SLC35F1: variants seen among roughly 807,000 people sequenced by gnomAD.
SLC35F1 encodes solute carrier family 35 member F1.
Under a neutral mutation model 48.7 loss-of-function variants are expected in SLC35F1, and 14 were observed. The observed-to-expected ratio is 0.29, with a 90% CI of 0.19 to 0.45. The LOEUF (loss-of-function observed/expected upper bound fraction) is 0.45, where lower values mean the gene tolerates loss of function less well. SLC35F1 is among the 20% of genes least tolerant of loss of function. The pLI, the probability that SLC35F1 is intolerant of heterozygous loss-of-function variation, is 1.00. For missense variants in SLC35F1, 404 were observed against 500.0 expected (o/e 0.81, Z 1.83); for synonymous variants, 190 against 202.2 (o/e 0.94, Z 0.51).
intron 1 of SLC35F1, among the ~76,000 whole-genome samples, chr6:117,971,033 T>C (rs1776630857): frequency 6.6e-6 from 1 of 151,986 alleles, no homozygotes; most frequent in African/African-American, 2.4e-5. Flanking sequence ...AAAGTCCAAT[T>C]CCAAAACCTT....
chr6:118,282,152 C>T (rs1775991862), intron 6 of SLC35F1, among the ~76,000 whole-genome samples: 1 of 152,188 alleles, frequency 6.6e-6, no homozygotes, highest in Non-Finnish European at 1.5e-5. Flanking sequence ...TTTGTATGAT[C>T]ATGCTGATCA....
intron 3 of SLC35F1, among the ~76,000 whole-genome samples, chr6:118,264,252 A>G (rs1260813009): frequency 6.6e-6 from 1 of 152,224 alleles, no homozygotes; most frequent in African/African-American, 2.4e-5. Flanking sequence ...GCCAGTAGCA[A>G]CCTTGATTAT....
chr6:118,264,275 T>C (rs914017082), intron 3 of SLC35F1, among the ~76,000 whole-genome samples: 2 of 152,230 alleles, frequency 1.3e-5, no homozygotes, highest in Non-Finnish European at 2.9e-5. Context: ...CTAATGTCCC[T>C]TCTGACAGTC....
chr6:118,246,934 T>A (rs1394641429), intron 3 of SLC35F1, among the ~76,000 whole-genome samples: 1 of 152,136 alleles, frequency 6.6e-6, no homozygotes, highest in African/African-American at 2.4e-5. Context: ...CTCCTTATGC[T>A]CTCAAGCTTG....
intron 3 of SLC35F1, among the ~76,000 whole-genome samples, chr6:118,247,022 G>A (rs1229017304): frequency 1.3e-5 from 2 of 152,204 alleles, no homozygotes; most frequent in Non-Finnish European, 2.9e-5. Flanking sequence ...CATAGTAGAT[G>A]CTCAATAAAT....
chr6:118,303,791 G>T (rs1198624925), intron 7 of SLC35F1, among the ~76,000 whole-genome samples: 1 of 152,162 alleles, frequency 6.6e-6, no homozygotes, highest in African/African-American at 2.4e-5. Context: ...CTGCTTAAAA[G>T]GACACCAATC....
chr6:118,172,058 C>A (rs1774413262), intron 2 of SLC35F1, among the ~76,000 whole-genome samples: 1 of 152,050 alleles, frequency 6.6e-6, no homozygotes, highest in Non-Finnish European at 1.5e-5. Context: ...GCTGTAAACA[C>A]AGCTTGTGAT....
intron 2 of SLC35F1, among the ~76,000 whole-genome samples, chr6:118,176,044 T>C (rs1434909856): frequency 6.6e-6 from 1 of 152,134 alleles, no homozygotes; most frequent in Non-Finnish European, 1.5e-5. Context: ...CAGGGAAATG[T>C]ATCTCATTTT....
At chr6:117,922,554 G>C (rs1029096306) in intron 1 of SLC35F1, among the ~76,000 whole-genome samples, 2 of 152,108 alleles carry the variant, frequency 1.3e-5, no homozygotes, top group East Asian at 1.9e-4. Flanking sequence ...TTGCTACATC[G>C]TTAAGTATAT....
chr6:118,256,205 G>GGGGTGTGT (rs1429180576), intron 3 of SLC35F1, among the ~76,000 whole-genome samples: 3 of 143,126 alleles, frequency 2.1e-5, no homozygotes, highest in African/African-American at 8.0e-5. Flanking sequence ...GAAGACTTCT[G>GGGGTGTGT]GTGTGTGTGT....
intron 1 of SLC35F1, among the ~76,000 whole-genome samples, chr6:118,037,790 A>T (rs1772155670): frequency 6.6e-6 from 1 of 150,738 alleles, no homozygotes; most frequent in African/African-American, 2.4e-5. Context: ...AACACTGCAT[A>T]TTCTCACTCA....
At chr6:118,143,222 T>G (rs1773918638) in intron 1 of SLC35F1, among the ~76,000 whole-genome samples, 1 of 152,204 alleles carries the variant, frequency 6.6e-6, no homozygotes, top group Non-Finnish European at 1.5e-5. Context: ...TTGTTTTTAT[T>G]TATTCAATAG....
At chr6:117,952,305 C>G (rs1776372240) in intron 1 of SLC35F1, among the ~76,000 whole-genome samples, 1 of 152,068 alleles carries the variant, frequency 6.6e-6, no homozygotes, top group African/African-American at 2.4e-5. Flanking sequence ...TTAGAATGTT[C>G]AATCAATTTT....
chr6:118,167,949 C>T (rs1389976681), intron 2 of SLC35F1, among the ~76,000 whole-genome samples: 1 of 152,182 alleles, frequency 6.6e-6, no homozygotes, highest in Non-Finnish European at 1.5e-5. Flanking sequence ...CATCCAGCTC[C>T]AGTCCTGTCT....
chr6:118,230,113 G>A (rs1397049375), intron 2 of SLC35F1, among the ~76,000 whole-genome samples: 1 of 152,106 alleles, frequency 6.6e-6, no homozygotes, highest in East Asian at 1.9e-4. Flanking sequence ...AGGCCATGGT[G>A]GGCCGATCAC....
intron 1 of SLC35F1, among the ~76,000 whole-genome samples, chr6:118,012,200 C>T (rs1777257904): frequency 6.6e-6 from 1 of 151,600 alleles, no homozygotes; most frequent in Non-Finnish European, 1.5e-5. Flanking sequence ...TTTGTAGTTA[C>T]TTGTTTATTT....
chr6:118,055,722 T>C (rs1772453742), intron 1 of SLC35F1, among the ~76,000 whole-genome samples: 1 of 152,176 alleles, frequency 6.6e-6, no homozygotes, highest in African/African-American at 2.4e-5. Context: ...ACTCCAGAAC[T>C]GCCCCAGGAA....
At chr6:118,286,085 C>T (rs1190741889) in intron 7 of SLC35F1, among the ~76,000 whole-genome samples, 3 of 152,128 alleles carry the variant, frequency 2.0e-5, no homozygotes, top group Admixed American at 6.6e-5. Flanking sequence ...GAGAAGATAC[C>T]ACTTGCCATT....
chr6:118,169,681 A>G (rs1774372089), intron 2 of SLC35F1, among the ~76,000 whole-genome samples: 1 of 152,034 alleles, frequency 6.6e-6, no homozygotes, highest in Admixed American at 6.6e-5. Flanking sequence ...CATCCCAATA[A>G]TCCCTCTTTT....
Sources: allele counts gnomAD v4.1 joint callset (sites outside exome capture counted in the v4.1 genomes callset), GRCh38; gene constraint gnomAD v4.1.1; transcripts MANE v1.5; gene names NCBI Gene and HGNC (gene_info 2026-07-23, HGNC 2026-07-21).